WNK2: variants seen among roughly 807,000 people sequenced by gnomAD.
WNK2 encodes the protein WNK lysine deficient protein kinase 2, also known as serine/threonine-protein kinase WNK2.
Under a neutral mutation model 192.1 loss-of-function variants are expected in WNK2, and 67 were observed. The observed-to-expected ratio is 0.35, with a 90% CI of 0.29 to 0.43. The LOEUF is 0.43. Ranked by LOEUF, WNK2 falls within the 20% of genes least tolerant of loss-of-function variation. WNK2 has a pLI of 1.00. For synonymous variants in WNK2, 1,439 were observed against 1,393.9 expected, an observed-to-expected ratio of 1.03 and a Z score of -0.72; for missense variants, 2,698 against 3,089.7, an observed-to-expected ratio of 0.87 and a Z score of 3.01.
intron 19 of WNK2, among the ~76,000 whole-genome samples, chr9:93,276,479 A>G (rs775271761): frequency 9.2e-5 from 14 of 152,384 alleles, no homozygotes; most frequent in Admixed American, 2.6e-4. Flanking sequence ...TGTAAGTTTT[A>G]TAAGGAAACA....
chr9:93,241,309 A>G (rs1409257812), intron 7 of WNK2, among the ~76,000 whole-genome samples: 1 of 152,262 alleles, frequency 6.6e-6, no homozygotes. Context: ...GGCTAGGAAG[A>G]AGGCAGTTAG....
intron 2 of WNK2, among the ~76,000 whole-genome samples, chr9:93,226,644 AG>A (rs1463120599): frequency 6.6e-6 from 1 of 152,122 alleles, no homozygotes; most frequent in Non-Finnish European, 1.5e-5. Flanking sequence ...CCCACCCCAG[AG>A]GTAACCATTA....
Position 93,229,998 on chromosome 9 carries a change from C to T in WNK2, c.854+130C>T. The T allele has an allele frequency of 1.7e-6, 2 of 1,149,658 alleles. No homozygotes were observed. The highest frequency in any genetic ancestry group is 1.6e-5 in the South Asian group (1 of 64,464). The allele number at this position is 1,149,658 out of a possible 1,614,324, so 71.2% of individuals were successfully genotyped here. ...TGTGGGAGGCTGTCTCCTCTTTCCT[C>T]TCCTGCATGGGATGCCAGGAGGTGG... On this transcript the variant is annotated intron_variant, in intron 3 of 29. Coordinates refer to ENST00000427277, the MANE Select transcript of WNK2 (RefSeq NM_006648.4). This position sits in a 1 kb window ranked among gnomAD's most constrained non-coding sequence, Gnocchi z 4.9.
At chr9:93,308,019 T>C in intron 27 of WNK2, 1 of 412,362 alleles carries the variant, frequency 2.4e-6, no homozygotes, top group Non-Finnish European at 4.4e-6. Flanking sequence ...CACACGTGAG[T>C]CTGGGGATGG....
chr9:93,288,880 C>G lies in WNK2; in HGVS notation c.4126C>G (p.Pro1376Ala). The G allele has an allele frequency of 3.7e-6, 6 of 1,611,242 alleles. No individual in the cohort carries two copies. Among genetic ancestry groups the G allele is most frequent in the Non-Finnish European group, 4.2e-6 (5 of 1,179,278 alleles). The change falls in exon 20 of 30, where the codon CCT (proline) becomes GCT (alanine). Residue 1376 changes from proline to alanine, a missense_variant. Transcript: ENST00000427277. Reference protein sequence around the residue: ...QLLSQAGPSNPPGAPPAPLAP... With the variant: ...QLLSQAGPSNAPGAPPAPLAP... ...CCTGAGCCAGGCGGGCCCCAGCAAC[C>G]CTCCTGGGGCACCCCCAGCCCCTTT...
chr9:93,301,157 T>A (rs908546506), intron 26 of WNK2, among the ~76,000 whole-genome samples: 1 of 152,256 alleles, frequency 6.6e-6, no homozygotes. Flanking sequence ...AGTTTGTTTT[T>A]AACCCTCAGG....
At chr9:93,287,994 C>T (rs575135407) in intron 19 of WNK2, among the ~76,000 whole-genome samples, 2 of 152,022 alleles carry the variant, frequency 1.3e-5, no homozygotes, top group Non-Finnish European at 2.9e-5. Flanking sequence ...TGCAGTGAGG[C>T]GAGATTGCAC....
At chr9:93,186,654 AT>A (rs970163416) in intron 2 of WNK2, among the ~76,000 whole-genome samples, 18 of 152,310 alleles carry the variant, frequency 1.2e-4, no homozygotes, top group African/African-American at 4.1e-4. Context: ...GGACTCTTGC[AT>A]TTTTGACTCA....
chr9:93,225,081 G>T (rs1408108604), intron 2 of WNK2, among the ~76,000 whole-genome samples: 1 of 152,144 alleles, frequency 6.6e-6, no homozygotes, highest in Non-Finnish European at 1.5e-5. Flanking sequence ...AGGGCTCAGA[G>T]GGGGACACAC....
At position 93,289,022 on chromosome 9, in the gene WNK2, C is replaced by T. The variant is rs1848896479; in HGVS notation, c.4268C>T (p.Pro1423Leu). The stretch of plus-strand genomic sequence containing the variant: ...AGCCAGGCAGGGGGTCCAGGGACAC[C>T]TCAGGGGCTGACCAGTGAGCTCGAG... Reference protein sequence around the residue: ...TASQAGGPGTPQGLTSELETS... With the variant: ...TASQAGGPGTLQGLTSELETS... The change falls in exon 20 of 30, where the codon CCT becomes CTT. Residue 1423 changes from proline (P) to leucine (L), a missense_variant. Physicochemically the swap from Pro to Leu is moderately conservative, Grantham distance 98. Around this residue, in one of 7 missense-constraint regions of WNK2, gnomAD observed 1,098 missense variants for 1,101.0 expected, o/e 1.00. Transcript: ENST00000427277. 1 of 1,604,794 alleles carries T rather than the reference C, an allele frequency of 6.2e-7. No individual in the cohort carries two copies. The highest frequency in any genetic ancestry group is 8.5e-7 in the Non-Finnish European group (1 of 1,175,872).
At chr9:93,216,796 T>G (rs1185735639) in intron 2 of WNK2, among the ~76,000 whole-genome samples, 1 of 146,676 alleles carries the variant, frequency 6.8e-6, no homozygotes, top group Non-Finnish European at 1.5e-5. Flanking sequence ...GGTGACAGAG[T>G]GAGACTCGGT....
chr9:93,295,599 G>T (rs1357757820), intron 23 of WNK2, among the ~76,000 whole-genome samples: 1 of 151,926 alleles, frequency 6.6e-6, no homozygotes, highest in African/African-American at 2.4e-5. Context: ...GGGGTTACAG[G>T]CCTCCAGCCA....
chr9:93,289,350 G>A lies in WNK2; in HGVS notation c.4596G>A (p.Glu1532=). Residue 1532 remains glutamate (E), a synonymous_variant, in exon 20 of 30, where the codon GAG becomes GAA. Transcript: ENST00000427277. The part of the protein sequence containing the change: ...TVPPQPPSAL[E]SDGEGPPPRV... ...CCCCACAGCCACCCTCGGCCCTGGA[G>A]TCGGATGGGGAAGGGCCGCCCCCCA... 1 of 1,610,022 alleles carries A rather than the reference G, an allele frequency of 6.2e-7. No individual in the cohort carries two copies. The highest frequency in any genetic ancestry group is 8.5e-7 in the Non-Finnish European group (1 of 1,178,496).
In WNK2 at chr9:93,258,970, G is replaced by A. The variant is rs1843743513; in HGVS notation, c.2422G>A (p.Ala808Thr). 1 of 1,612,482 alleles carries A rather than the reference G, an allele frequency of 6.2e-7. No individual in the cohort carries two copies. The highest frequency in any genetic ancestry group is 1.1e-5 in the South Asian group (1 of 91,052). Residue 808 changes from alanine (A) to threonine (T), a missense_variant, in exon 12 of 30, where the codon GCG becomes ACG. By Grantham distance (58) the Ala-to-Thr change is moderately conservative. Transcript: ENST00000427277. ...IPVVPPITPL[A>T]GIDGLPPALP... The stretch of plus-strand genomic sequence containing the variant: ...TGTTGTGCCCCCCATCACGCCCCTG[G>A]CGGGAATCGACGGCCTCCCTCCGGC...
chr9:93,269,028 C>G lies in WNK2; in HGVS notation c.4033+282C>G, dbSNP rs1185003875. On this transcript the variant is annotated intron_variant, in intron 19 of 29. Coordinates refer to ENST00000427277, the MANE Select transcript of WNK2 (RefSeq NM_006648.4). ...GGTGTGTGTTGAAGAGCTCCGCTGT[C>G]CTTCCTTCACAGTGTTAACCTGGCA... is the stretch of plus-strand genomic sequence containing the variant. 1.2e-5 allele frequency: 16 copies of G among 1,307,912 alleles called. No homozygotes were observed. The East Asian group carries it at 4.0e-4, about 33-fold the overall frequency. The allele number at this position is 1,307,912 out of a possible 1,614,324, so 81.0% of individuals were successfully genotyped here.
rs952964677 is a variant in WNK2, at chr9:93,306,575, C to G, written c.6215-202C>G. The G allele has an allele frequency of 4.5e-5, 28 of 623,734 alleles. No homozygotes were observed. In the Admixed American group the frequency reaches 7.5e-4, roughly 17 times the overall value. 38.6% of individuals were successfully genotyped at this position (623,734 alleles called of 1,614,324 possible). A position where few individuals can be genotyped will look rare whatever the true frequency, so the allele number is the denominator to read the frequency against. ...GGCTTGGCCCTGGCACCTCTGCCCC[C>G]TCGGCGAAGCTCGTGGGAGCCTGCA... is the stretch of plus-strand genomic sequence containing the variant. On this transcript the variant is annotated intron_variant, in intron 26 of 29. Transcript: ENST00000427277.
chr9:93,217,728 AG>A (rs1026552609), intron 2 of WNK2, among the ~76,000 whole-genome samples: 5 of 152,130 alleles, frequency 3.3e-5, no homozygotes, highest in African/African-American at 1.2e-4. Flanking sequence ...CCTGGCTTAG[AG>A]GGACACCACA....
At chr9:93,318,131 C>A in intron 29 of WNK2, 1 of 1,532,268 alleles carries the variant, frequency 6.5e-7, no homozygotes, top group Non-Finnish European at 8.7e-7. Context: ...TGAATGCCAG[C>A]TTTTCCGTTC....
intron 2 of WNK2, among the ~76,000 whole-genome samples, chr9:93,214,327 G>A (rs147926280): frequency 0.021 from 3,142 of 151,474 alleles, 65 homozygotes; most frequent in Non-Finnish European, 0.034. Context: ...ATTTTGAGAC[G>A]GAGTCTTGCT....
Sources: allele counts gnomAD v4.1 joint callset (sites outside exome capture counted in the v4.1 genomes callset), GRCh38; gene constraint gnomAD v4.1.1; regional missense constraint gnomAD v4.1.1; non-coding constraint Gnocchi (gnomAD v3.1); transcripts MANE v1.5; gene names NCBI Gene and HGNC (gene_info 2026-07-23, HGNC 2026-07-21).